ANKRD44: variants seen among roughly 807,000 people sequenced by gnomAD.
ANKRD44 encodes serine/threonine-protein phosphatase 6 regulatory ankyrin repeat subunit B.
ANKRD44 carries 35 observed loss-of-function variants against 116.0 expected under a neutral mutation model. The observed-to-expected ratio is 0.30, with a 90% CI of 0.23 to 0.40. The LOEUF (loss-of-function observed/expected upper bound fraction) is 0.40. Among genes scored for constraint, ANKRD44 ranks in the 10% least tolerant of loss-of-function variants. The pLI is 1.00. For missense variants in ANKRD44, 1,014 were observed against 1,242.6 expected (o/e 0.82, Z 2.77); for synonymous variants, 435 against 461.8 (o/e 0.94, Z 0.74).
At chr2:197,088,882 AC>A in intron 11 of ANKRD44, 108 bp from the exon 12 acceptor site, 1 of 1,231,746 alleles carries the variant, frequency 8.1e-7, no homozygotes, top group Non-Finnish European at 1.1e-6. Context: ...TAGTAGAAAA[AC>A]CAGAATGCAA....
intron 1 of ANKRD44, among the ~76,000 whole-genome samples, chr2:197,270,988 T>C (rs2082882762): frequency 6.6e-6 from 1 of 152,158 alleles, no homozygotes; most frequent in South Asian, 2.1e-4. Context: ...GCTGGCTCCA[T>C]GAGCAAGCAG....
At chr2:197,187,691 CCTCT>C (rs1233580294) in intron 1 of ANKRD44, among the ~76,000 whole-genome samples, 4 of 144,952 alleles carry the variant, frequency 2.8e-5, no homozygotes, top group South Asian at 2.2e-4. Context: ...TCTTCTTCTC[CCTCT>C]CTCTCTTTCT....
Position 197,040,577 on chromosome 2 carries a change from A to G in ANKRD44, c.1651-15310T>C, listed in dbSNP as rs536310411. On this transcript the variant is annotated intron_variant, in intron 16 of 27. Transcript: ENST00000282272. ...TTTTTAGTAGAGATGGGGTTTCACCATGTTGGCCAAGCTGGTCTCGAACTC... is the reference window on the plus strand; with the variant it reads ...TTTTTAGTAGAGATGGGGTTTCACCGTGTTGGCCAAGCTGGTCTCGAACTC... Among the ~76,000 whole-genome samples, 32 of 152,130 alleles carry G rather than the reference A, an allele frequency of 2.1e-4. No homozygotes were observed. In the East Asian group the frequency reaches 6.2e-3, roughly 30 times the overall value.
chr2:197,178,033 C>A (rs1294426208), intron 2 of ANKRD44, among the ~76,000 whole-genome samples: 1 of 152,160 alleles, frequency 6.6e-6, no homozygotes, highest in Non-Finnish European at 1.5e-5. Context: ...CCAATTATTT[C>A]TCTTAGGGTG....
chr2:197,231,721 C>T (rs2081868530), intron 1 of ANKRD44, among the ~76,000 whole-genome samples: 1 of 151,864 alleles, frequency 6.6e-6, no homozygotes, highest in African/African-American at 2.4e-5. Context: ...AATTATCTGG[C>T]CCATAATGTC....
intron 27 of ANKRD44, among the ~76,000 whole-genome samples, chr2:196,991,505 G>C (rs1363564157): frequency 6.6e-6 from 1 of 152,162 alleles, no homozygotes; most frequent in African/African-American, 2.4e-5. Flanking sequence ...TAGAAAAATG[G>C]AATCATTTCA....
intron 2 of ANKRD44, chr2:197,148,009 A>G (rs968672183): frequency 3.1e-6 from 1 of 322,156 alleles, no homozygotes; most frequent in African/African-American, 2.2e-5. Context: ...TTGGCAAGGC[A>G]TTGAACAGAT....
At chr2:197,136,213 AC>A (rs1264144239) in intron 4 of ANKRD44, 1 of 220,416 alleles carries the variant, frequency 4.5e-6, no homozygotes, top group Admixed American at 5.3e-5. Flanking sequence ...TCCTTACTCA[AC>A]CTTTAAGGAC....
rs556242845 is a variant in ANKRD44 at position 197,033,871 on chromosome 2, A to T, written c.1651-8604T>A. ...CTTTGTTAATTAAGAAGACAATGTAAAAAAGTGGAGAGAAAAGCAATTTGC... is the reference window on the plus strand; with the variant it reads ...CTTTGTTAATTAAGAAGACAATGTATAAAAGTGGAGAGAAAAGCAATTTGC... On this transcript the variant is annotated intron_variant, in intron 16 of 27. Coordinates refer to ENST00000282272, the MANE Select transcript of ANKRD44 (RefSeq NM_001195144.2). Among the ~76,000 whole-genome samples, 6 of 152,252 alleles carry T rather than the reference A, an allele frequency of 3.9e-5. No homozygotes were observed. The South Asian group carries it at 1.0e-3, about 26-fold the overall frequency.
In ANKRD44 at chr2:196,989,616, C is replaced by T; in HGVS notation, c.2957G>A (p.Gly986Glu). Residue 986 changes from glycine to glutamate, a missense_variant, in exon 28 of 28, where the codon GGA becomes GAA. Physicochemically the swap from Gly to Glu is moderately conservative, Grantham distance 98. Transcript: ENST00000282272. ...SRSNGPRSTP[G>E]TAVQKEE is the part of the protein sequence containing the mutation. ...TCATTCTTCTTTTTGTACAGCGGTTCCAGGTGTGGAACGGGGTCCATTTGA... is the reference window on the plus strand; with the variant it reads ...TCATTCTTCTTTTTGTACAGCGGTTTCAGGTGTGGAACGGGGTCCATTTGA... The T allele has an allele frequency of 6.5e-7, 1 of 1,550,138 alleles. No homozygotes were observed.
chr2:197,050,969 CT>C (rs11428405), intron 16 of ANKRD44, among the ~76,000 whole-genome samples: 5,599 of 134,808 alleles, frequency 0.042, 317 homozygotes, highest in African/African-American at 0.15. Flanking sequence ...GTCTCCCTTA[CT>C]TTTTTTTTTT....
At chr2:197,309,057 G>A (rs2084161390) in intron 1 of ANKRD44, among the ~76,000 whole-genome samples, 1 of 152,172 alleles carries the variant, frequency 6.6e-6, no homozygotes, top group South Asian at 2.1e-4. Flanking sequence ...TCTATGTGAT[G>A]TTCTTTCTTA....
intron 21 of ANKRD44, among the ~76,000 whole-genome samples, chr2:197,004,640 A>G (rs2076171301): frequency 6.6e-6 from 1 of 152,212 alleles, no homozygotes; most frequent in African/African-American, 2.4e-5. Flanking sequence ...GAGGAAAAAC[A>G]CTAACTTTTA....
At chr2:197,176,467 G>GACTTCTATC (rs1242350542) in intron 2 of ANKRD44, among the ~76,000 whole-genome samples, 1 of 152,104 alleles carries the variant, frequency 6.6e-6, no homozygotes, top group East Asian at 1.9e-4. Context: ...TAGAACCCAA[G>GACTTCTATC]ACTTCTATCT....
At chr2:197,058,540 C>G (rs1281374184) in intron 16 of ANKRD44, among the ~76,000 whole-genome samples, 1 of 151,904 alleles carries the variant, frequency 6.6e-6, no homozygotes, top group Non-Finnish European at 1.5e-5. Flanking sequence ...TAGTTGATGT[C>G]AGCTGTCCTA....
chr2:197,189,785 T>C (rs1299770381), intron 1 of ANKRD44, among the ~76,000 whole-genome samples: 1 of 152,208 alleles, frequency 6.6e-6, no homozygotes, highest in East Asian at 1.9e-4. Context: ...ACAGTTAAGA[T>C]TCCGGGGAAC....
chr2:197,198,228 T>C (rs2081005217), intron 1 of ANKRD44: 1 of 152,270 alleles, frequency 6.6e-6, no homozygotes. Context: ...GATCCTATCA[T>C]GGAAGGTCTT....
chr2:197,180,247 G>A (rs953758719), intron 2 of ANKRD44, among the ~76,000 whole-genome samples: 1 of 152,170 alleles, frequency 6.6e-6, no homozygotes, highest in Non-Finnish European at 1.5e-5. Flanking sequence ...TTAGCAAAAC[G>A]GTGACCTGCA....
intron 1 of ANKRD44, among the ~76,000 whole-genome samples, chr2:197,210,343 C>T (rs1331637801): frequency 6.6e-6 from 1 of 152,192 alleles, no homozygotes; most frequent in Non-Finnish European, 1.5e-5. Context: ...TCACCCCTAA[C>T]AGTGAGTTAC....
Sources: allele counts gnomAD v4.1 joint callset (sites outside exome capture counted in the v4.1 genomes callset), GRCh38; gene constraint gnomAD v4.1.1; transcripts MANE v1.5; gene names NCBI Gene and HGNC (gene_info 2026-07-23, HGNC 2026-07-21).